The following SLC16A1 variants were observed in gnomAD, a reference collection of about 807,000 sequenced individuals.
SLC16A1 encodes the protein monocarboxylate transporter 1.
SLC16A1 carries 11 observed loss-of-function variants against 32.2 expected under a neutral mutation model. The observed-to-expected ratio is 0.34, with a 90% CI of 0.21 to 0.56. The LOEUF is 0.56. Ranked by LOEUF, SLC16A1 falls within the 20% of genes least tolerant of loss-of-function variation. The pLI, the probability that SLC16A1 is intolerant of heterozygous loss-of-function variation, is 0.87. For synonymous variants in SLC16A1, 231 were observed against 226.8 expected (o/e 1.02, Z -0.17); for missense variants, 435 against 615.0 (o/e 0.71, Z 3.10).
chr1:112,942,584 A>AT (rs1649545519), intron 1 of SLC16A1, among the ~76,000 whole-genome samples: 1 of 152,260 alleles, frequency 6.6e-6, no homozygotes, highest in African/African-American at 2.4e-5. Context: ...TACTTTTGCT[A>AT]TATCATGAAC....
At chr1:112,933,737 T>A (rs1649214210) in intron 1 of SLC16A1, among the ~76,000 whole-genome samples, 1 of 152,180 alleles carries the variant, frequency 6.6e-6, no homozygotes, top group Non-Finnish European at 1.5e-5. Context: ...AGACAGATAA[T>A]TCCATGACTT....
chr1:112,912,262 A>C lies in SLC16A1; in HGVS notation c.*1629T>G, dbSNP rs1277740761. 1 of 152,276 alleles carries C rather than the reference A, an allele frequency of 6.6e-6. No homozygotes were observed. Among genetic ancestry groups the C allele is most frequent in the Non-Finnish European group, 1.5e-5 (1 of 68,050 alleles). The allele number at this position is 152,276 out of a possible 1,614,324, so 9.4% of individuals were successfully genotyped here. On this transcript the variant is annotated 3_prime_UTR_variant, in exon 5 of 5. Coordinates refer to ENST00000369626, the MANE Select transcript of SLC16A1 (RefSeq NM_003051.4). ...TTCAAAAGCTGGAGGATTTAATTCA[A>C]TCAATTTAGCAAGGCCCAAAATGAA...
chr1:112,932,962 T>C (rs1291386943), intron 1 of SLC16A1, among the ~76,000 whole-genome samples: 1 of 152,156 alleles, frequency 6.6e-6, no homozygotes, highest in Non-Finnish European at 1.5e-5. Context: ...TGTATTTCTA[T>C]ATATTAACAA....
intron 1 of SLC16A1, among the ~76,000 whole-genome samples, chr1:112,944,731 C>T (rs767955088): frequency 6.6e-6 from 1 of 152,152 alleles, no homozygotes; most frequent in South Asian, 2.1e-4. Context: ...CTCGCTCTGT[C>T]GCTGAGGTTG....
chr1:112,913,272 C>T lies in SLC16A1; in HGVS notation c.*619G>A, dbSNP rs1648386106. ...GTTGACAAGTACACTGTGTCTAGAACAGCCAAGATGTTGCCAAAGTTTTAT... is the reference window on the plus strand; with the variant it reads ...GTTGACAAGTACACTGTGTCTAGAATAGCCAAGATGTTGCCAAAGTTTTAT... On this transcript the variant is annotated 3_prime_UTR_variant, in exon 5 of 5. Transcript: ENST00000369626. The T allele has an allele frequency of 6.4e-6, 1 of 155,628 alleles. No individual in the cohort carries two copies. The highest frequency in any genetic ancestry group is 1.4e-5 in the Non-Finnish European group (1 of 70,304). The allele number at this position is 155,628 out of a possible 1,614,324, so 9.6% of individuals were successfully genotyped here. A position where few individuals can be genotyped will look rare whatever the true frequency, so the allele number is the denominator to read the frequency against.
chr1:112,925,885 T>C (rs944054258), intron 2 of SLC16A1, among the ~76,000 whole-genome samples: 5 of 152,208 alleles, frequency 3.3e-5, no homozygotes, highest in Non-Finnish European at 7.4e-5. Flanking sequence ...CAGTTACTTA[T>C]AGTCTAGTTT....
In SLC16A1 at chr1:112,917,405, G is replaced by A. The variant is rs763573918; in HGVS notation, c.1001C>T (p.Ala334Val). The A allele has an allele frequency of 1.1e-5, 17 of 1,614,070 alleles. No homozygotes were observed. The highest frequency in any genetic ancestry group is 8.3e-5 in the Admixed American group (5 of 60,010). ...PIRPRIQYFF[A>V]ASVVANGVCH... ...CACTCCATTTGCAACAACGGAAGCC[G>A]CAAAGAAATACTGAATTCGAGGTCT... Residue 334 changes from alanine (A) to valine (V), a missense_variant, in exon 4 of 5, where the codon GCG becomes GTG. By Grantham distance (64) the Ala-to-Val change is moderately conservative. Transcript: ENST00000369626. This position sits in a 1 kb window ranked among gnomAD's most constrained non-coding sequence, Gnocchi z 4.1.
intron 2 of SLC16A1, among the ~76,000 whole-genome samples, chr1:112,926,401 T>C (rs1648943086): frequency 6.6e-6 from 1 of 151,724 alleles, no homozygotes; most frequent in African/African-American, 2.4e-5. Flanking sequence ...AAGACCAACC[T>C]GGCCAACACC....
chr1:112,922,284 G>A, intron 2 of SLC16A1, 151 bp from the exon 3 acceptor site: 2 of 707,590 alleles, frequency 2.8e-6, no homozygotes, highest in South Asian at 1.8e-5. Flanking sequence ...AGTCACATGT[G>A]TACTAAAATA....
At position 112,929,274 on chromosome 1, in the gene SLC16A1, G is replaced by C; in HGVS notation, c.35C>G (p.Thr12Ser). 4 of 1,614,074 alleles carry C rather than the reference G, an allele frequency of 2.5e-6. No individual in the cohort carries two copies. The highest frequency in any genetic ancestry group is 3.4e-6 in the Non-Finnish European group (4 of 1,180,024). Residue 12 changes from threonine (T) to serine (S), a missense_variant, in exon 2 of 5, where the codon ACC becomes AGC. Transcript: ENST00000369626. ...PPAVGGPVGYTPPDGGWGWAV... is the reference protein window; with the variant it reads ...PPAVGGPVGYSPPDGGWGWAV... ...CCAGCCCCAGCCTCCATCTGGGGGG[G>C]TGTATCCAACTGGACCTCCAACTGC... is the stretch of plus-strand genomic sequence containing the variant.
intron 1 of SLC16A1, among the ~76,000 whole-genome samples, chr1:112,950,000 A>G (rs529098921): frequency 6.6e-6 from 1 of 152,354 alleles, no homozygotes; most frequent in South Asian, 2.1e-4. Flanking sequence ...CAATTTCAAG[A>G]TAGCTATAAC....
intron 1 of SLC16A1, among the ~76,000 whole-genome samples, chr1:112,949,728 C>T (rs547653403): frequency 6.6e-6 from 1 of 151,570 alleles, no homozygotes; most frequent in Non-Finnish European, 1.5e-5. Flanking sequence ...CAAATAGAGA[C>T]AGGGTTTCGC....
chr1:112,949,606 G>A (rs1649818347), intron 1 of SLC16A1, among the ~76,000 whole-genome samples: 2 of 152,178 alleles, frequency 1.3e-5, no homozygotes, highest in East Asian at 1.9e-4. Flanking sequence ...TAGGAGCAGG[G>A]GTCCTTAGAC....
At chr1:112,950,363 C>A (rs1649850029) in intron 1 of SLC16A1, among the ~76,000 whole-genome samples, 1 of 152,202 alleles carries the variant, frequency 6.6e-6, no homozygotes, top group African/African-American at 2.4e-5. Context: ...AGTGTATAGA[C>A]TTTCATTCAT....
intron 3 of SLC16A1, among the ~76,000 whole-genome samples, chr1:112,918,308 G>A (rs1648592539): frequency 6.6e-6 from 1 of 152,138 alleles, no homozygotes; most frequent in Non-Finnish European, 1.5e-5. Context: ...CTGTTGTGAG[G>A]AAGAAAAGAT....
Position 112,924,649 on chromosome 1 carries a change from A to G in SLC16A1, c.218-2516T>C, listed in dbSNP as rs58932372. On this transcript the variant is annotated intron_variant, in intron 2 of 4. Coordinates refer to ENST00000369626, the MANE Select transcript of SLC16A1 (RefSeq NM_003051.4). ...ATGATCATTTTTTCCAAGTTTAAGT[A>G]GTGTTGCAATTAGGTAATCTTGATT... Among the ~76,000 whole-genome samples, 1,232 of 152,332 alleles carry G rather than the reference A, an allele frequency of 8.1e-3. 15 individuals are homozygous for G. The highest frequency in any genetic ancestry group is 0.028 in the African/African-American group (1,155 of 41,556).
At chr1:112,916,848 G>C (rs961485287) in intron 4 of SLC16A1, among the ~76,000 whole-genome samples, 1 of 152,062 alleles carries the variant, frequency 6.6e-6, no homozygotes, top group Non-Finnish European at 1.5e-5. Context: ...GGAATCGCTT[G>C]AACCTGGGAG....
intron 1 of SLC16A1, among the ~76,000 whole-genome samples, chr1:112,951,616 G>C (rs1649900651): frequency 6.6e-6 from 1 of 152,102 alleles, no homozygotes; most frequent in Non-Finnish European, 1.5e-5. Context: ...GAACAGCAAA[G>C]TCCTCCAAGA....
intron 1 of SLC16A1, among the ~76,000 whole-genome samples, chr1:112,937,242 G>C (rs1308675837): frequency 6.6e-6 from 1 of 152,172 alleles, no homozygotes; most frequent in Non-Finnish European, 1.5e-5. Context: ...ATTAAACTTT[G>C]AGTTTAGCTG....
Sources: allele counts gnomAD v4.1 joint callset (sites outside exome capture counted in the v4.1 genomes callset), GRCh38; gene constraint gnomAD v4.1.1; non-coding constraint Gnocchi (gnomAD v3.1); transcripts MANE v1.5; gene names NCBI Gene and HGNC (gene_info 2026-07-23, HGNC 2026-07-21).